Variants in CFAP144 observed in about 807,000 individuals in gnomAD.
CFAP144 encodes cilia- and flagella-associated protein 144.
the CFAP144 span, chr1:43,145,309 C>A: frequency 6.5e-7 from 1 of 1,545,252 alleles, no homozygotes; most frequent in South Asian, 1.2e-5. Flanking sequence ...TAAGTCTTGT[C>A]GATCTGCCCT....
At chr1:43,148,036 C>T in the CFAP144 span, 1 of 1,613,982 alleles carries the variant, frequency 6.2e-7, no homozygotes, top group South Asian at 1.1e-5. Context: ...CAAGGAGCTA[C>T]GAACCCAGAA....
At chr1:43,150,100 C>T in the CFAP144 span, among the ~76,000 whole-genome samples, 1 of 152,218 alleles carries the variant, frequency 6.6e-6, no homozygotes, top group African/African-American at 2.4e-5. Context: ...AGCCCCAACG[C>T]CAACTCTCCA....
chr1:43,154,943 C>G, the CFAP144 span, among the ~76,000 whole-genome samples: 1 of 152,180 alleles, frequency 6.6e-6, no homozygotes, highest in African/African-American at 2.4e-5. Flanking sequence ...GGCAGGCTAG[C>G]AGGATCAGAC....
chr1:43,145,250 T>TGAAGAGGA, the CFAP144 span: 3 of 1,549,634 alleles, frequency 1.9e-6, no homozygotes, highest in Non-Finnish European at 2.6e-6. Context: ...TGACAGAGAA[T>TGAAGAGGA]GAAGAGGAGA....
chr1:43,144,358 G>A, the CFAP144 span, among the ~76,000 whole-genome samples: 1,202 of 152,292 alleles, frequency 7.9e-3, 14 homozygotes, highest in Middle Eastern at 0.014. Context: ...AGGGGATGAT[G>A]TGAGGGCTGT....
At chr1:43,152,661 G>T in the CFAP144 span, 17 of 639,498 alleles carry the variant, frequency 2.7e-5, no homozygotes, top group Non-Finnish European at 4.1e-5. Flanking sequence ...CCACATATTT[G>T]TTGAAAGATG....
chr1:43,148,037 G>A, the CFAP144 span: 4 of 1,613,924 alleles, frequency 2.5e-6, no homozygotes, highest in South Asian at 4.4e-5. Context: ...AAGGAGCTAC[G>A]AACCCAGAAA....
At chr1:43,145,340 C>A in the CFAP144 span, 1 of 1,436,060 alleles carries the variant, frequency 7.0e-7, no homozygotes, top group South Asian at 1.2e-5. Context: ...GAGTGCAACC[C>A]CTGAGAATCA....
chr1:43,151,995 G>A, the CFAP144 span, among the ~76,000 whole-genome samples: 50 of 152,272 alleles, frequency 3.3e-4, no homozygotes, highest in African/African-American at 1.1e-3. Context: ...TGAAGGATGT[G>A]CCAGCCCAGT....
At chr1:43,143,876 T>TG in the CFAP144 span, among the ~76,000 whole-genome samples, 1 of 104,836 alleles carries the variant, frequency 9.5e-6, no homozygotes, top group Admixed American at 8.8e-5. Flanking sequence ...CCCTCCTACC[T>TG]GCCCTCTTTT....
At chr1:43,144,099 T>C in the CFAP144 span, among the ~76,000 whole-genome samples, 2 of 152,258 alleles carry the variant, frequency 1.3e-5, no homozygotes, top group Non-Finnish European at 2.9e-5. Flanking sequence ...CAATTCCTGC[T>C]TCAGCACCGC....
At chr1:43,146,525 G>A in the CFAP144 span, among the ~76,000 whole-genome samples, 83 of 152,286 alleles carry the variant, frequency 5.5e-4, 1 homozygote, top group South Asian at 0.013. Context: ...ATTTGACTAC[G>A]TTTAACTTTT....
chr1:43,153,617 T>C, the CFAP144 span, among the ~76,000 whole-genome samples: 1 of 151,372 alleles, frequency 6.6e-6, no homozygotes, highest in South Asian at 2.1e-4. Context: ...TTAAAAAAAA[T>C]ATTAATTTTA....
At chr1:43,152,779 C>T in the CFAP144 span, 2 of 1,537,192 alleles carry the variant, frequency 1.3e-6, no homozygotes, top group South Asian at 2.5e-5. Context: ...CAGGACCAAC[C>T]TCTGGTCCCA....
chr1:43,150,707 G>T, the CFAP144 span: 1 of 1,486,854 alleles, frequency 6.7e-7, no homozygotes, highest in South Asian at 1.2e-5. Flanking sequence ...CTTAGAGAGG[G>T]CAGGGAACTC....
chr1:43,147,918 G>C, the CFAP144 span: 1 of 1,610,702 alleles, frequency 6.2e-7, no homozygotes, highest in Non-Finnish European at 8.5e-7. Flanking sequence ...ACTGTGGAAG[G>C]CCCAGGCAAG....
chr1:43,145,371 T>A, the CFAP144 span: 2 of 1,136,166 alleles, frequency 1.8e-6, no homozygotes, highest in African/African-American at 1.6e-5. Context: ...ACAAGGTCCC[T>A]GCTGTAGATA....
the CFAP144 span, chr1:43,145,163 G>A: frequency 9.5e-7 from 1 of 1,048,578 alleles, no homozygotes; most frequent in Non-Finnish European, 1.4e-6. Flanking sequence ...CAGCCAGCCT[G>A]CATGAGGTTC....
At chr1:43,145,204 C>T in the CFAP144 span, 2 of 1,487,552 alleles carry the variant, frequency 1.3e-6, no homozygotes, top group Non-Finnish European at 1.8e-6. Context: ...CTCCACGGAA[C>T]TTGGTCTGTA....
Sources: allele counts gnomAD v4.1 joint callset (sites outside exome capture counted in the v4.1 genomes callset), GRCh38; gene constraint gnomAD v4.1.1; transcripts MANE v1.5; gene names NCBI Gene and HGNC (gene_info 2026-07-23, HGNC 2026-07-21).